MAP2K5: variants seen among roughly 807,000 people sequenced by gnomAD.
MAP2K5 encodes the protein mitogen-activated protein kinase kinase 5, also known as dual specificity mitogen-activated protein kinase kinase 5.
A neutral mutation model predicts 83.1 loss-of-function variants in MAP2K5; 49 were observed. The ratio of observed to expected loss-of-function variants is 0.59; its 90% CI spans 0.47 to 0.75. MAP2K5 has a LOEUF of 0.75. Among genes scored for constraint, MAP2K5 ranks in the 30% least tolerant of loss-of-function variants. The probability of loss-of-function intolerance (pLI) is 0.00; values close to 1 mark genes in which losing one functional copy is unlikely to be tolerated. For missense variants in MAP2K5, 457 were observed against 557.5 expected, an observed-to-expected ratio of 0.82 and a Z score of 1.82; for synonymous variants, 202 against 191.8, an observed-to-expected ratio of 1.05 and a Z score of -0.44.
chr15:67,728,402 A>T (rs893060060), intron 17 of MAP2K5, among the ~76,000 whole-genome samples: 1 of 152,208 alleles, frequency 6.6e-6, no homozygotes, highest in Non-Finnish European at 1.5e-5. Flanking sequence ...TTTTGAACAT[A>T]TTATTTAAAA....
chr15:67,799,613 G>A (rs2141344257), intron 21 of MAP2K5, among the ~76,000 whole-genome samples: 1 of 152,382 alleles, frequency 6.6e-6, no homozygotes. Flanking sequence ...ATTTACAAGT[G>A]TGGCCCCAGT....
intron 3 of MAP2K5, among the ~76,000 whole-genome samples, chr15:67,578,439 T>C (rs1468075890): frequency 6.6e-6 from 1 of 152,206 alleles, no homozygotes; most frequent in Non-Finnish European, 1.5e-5. Context: ...CTTTACAGCA[T>C]GTCCTTGATG....
At position 67,640,556 on chromosome 15, in the gene MAP2K5, C is replaced by T. The variant is rs1697775118; in HGVS notation, c.586-5675C>T. 1.0e-6 allele frequency: 1 copy of T among 984,872 alleles called. No individual in the cohort carries two copies. The highest frequency in any genetic ancestry group is 1.2e-6 in the Non-Finnish European group (1 of 829,454). 61.0% of individuals were successfully genotyped at this position (984,872 alleles called of 1,614,324 possible). On this transcript the variant is annotated intron_variant, in intron 9 of 21. Transcript: ENST00000178640. The surrounding 1 kb of genome is among the most constrained non-coding windows in gnomAD (Gnocchi z 4.6). ...CAGCAAATCACAGTCCTTGTCCAAA[C>T]TGAATCACCTGCAGGGTCTGACGCC...
In MAP2K5 at chr15:67,755,963, C is replaced by T. The variant is rs1022211990; in HGVS notation, c.1134+7362C>T. Among the ~76,000 whole-genome samples the T allele has an allele frequency of 1.3e-5, 2 of 152,170 alleles. No individual in the cohort carries two copies. Among genetic ancestry groups the T allele is most frequent in the African/African-American group, 4.8e-5 (2 of 41,426 alleles). Reference sequence around the variant, plus strand: ...ATGACTCAATTGTCCACCCTCTTTCCATTGTCCTCCCCACATCCTCACTGT... The same window carrying T: ...ATGACTCAATTGTCCACCCTCTTTCTATTGTCCTCCCCACATCCTCACTGT... On this transcript the variant is annotated intron_variant, in intron 19 of 21. Transcript: ENST00000178640. The surrounding 1 kb of genome is among the most constrained non-coding windows in gnomAD (Gnocchi z 4.7).
chr15:67,685,423 A>G (rs1226483297), intron 13 of MAP2K5, among the ~76,000 whole-genome samples: 1 of 152,202 alleles, frequency 6.6e-6, no homozygotes, highest in Non-Finnish European at 1.5e-5. Context: ...TTGCCAGTAG[A>G]CCAGCATTAC....
Position 67,736,103 on chromosome 15 carries a change from G to T in MAP2K5, c.1074+8158G>T, listed in dbSNP as rs188526156. On this transcript the variant is annotated intron_variant, in intron 17 of 21. Transcript: ENST00000178640. This position sits in a 1 kb window ranked among gnomAD's most constrained non-coding sequence, Gnocchi z 4.3. ...CTCCTAGGTAACTTTTAAAGTCACC[G>T]TGGGAAGGAAGTAAGAAAAGGGAGG... 1.7e-4 allele frequency among the ~76,000 whole-genome samples: 26 copies of T among 152,328 alleles called. No homozygotes were observed. Among genetic ancestry groups the T allele is most frequent in the African/African-American group, 6.3e-4 (26 of 41,580 alleles).
rs573430417 is a variant in MAP2K5 at position 67,705,350 on chromosome 15, C to T, written c.1044+1942C>T. Among the ~76,000 whole-genome samples the T allele has an allele frequency of 3.9e-5, 6 of 152,108 alleles. No individual in the cohort carries two copies. The South Asian group carries it at 1.0e-3, about 26-fold the overall frequency. On this transcript the variant is annotated intron_variant, in intron 16 of 21. Transcript: ENST00000178640. Reference sequence around the variant, plus strand: ...TTGGCTGTCATGGAGTTCCATTTGGCAAGGGCTGGGGCATGAGGGGAAGGA... The same window carrying T: ...TTGGCTGTCATGGAGTTCCATTTGGTAAGGGCTGGGGCATGAGGGGAAGGA...
In MAP2K5 at chr15:67,668,575, G is replaced by A. The variant is rs1209737905; in HGVS notation, c.847+3930G>A. On this transcript the variant is annotated intron_variant, in intron 13 of 21. Coordinates refer to ENST00000178640, the MANE Select transcript of MAP2K5 (RefSeq NM_145160.3). This position sits in a 1 kb window ranked among gnomAD's most constrained non-coding sequence, Gnocchi z 4.0. Reference sequence around the variant, plus strand: ...ATACATCGCCACTAATGAGGTGAGAGCCCTGCATATTAATAAACCTACAGC... The same window carrying A: ...ATACATCGCCACTAATGAGGTGAGAACCCTGCATATTAATAAACCTACAGC... Among the ~76,000 whole-genome samples, 1 of 152,124 alleles carries A rather than the reference G, an allele frequency of 6.6e-6. No homozygotes were observed. Among genetic ancestry groups the A allele is most frequent in the Admixed American group, 6.6e-5 (1 of 15,262 alleles).
intron 8 of MAP2K5, among the ~76,000 whole-genome samples, chr15:67,621,870 G>T (rs2141067761): frequency 6.6e-6 from 1 of 152,234 alleles, no homozygotes; most frequent in Non-Finnish European, 1.5e-5. Flanking sequence ...ATTTTATCAG[G>T]TGTTGCTAAC....
intron 9 of MAP2K5, among the ~76,000 whole-genome samples, chr15:67,641,931 C>T (rs954169843): frequency 6.6e-6 from 1 of 152,164 alleles, no homozygotes; most frequent in African/African-American, 2.4e-5. Flanking sequence ...ACCCAGAGTG[C>T]CAAGTCTCCC....
rs918520491 is a variant in MAP2K5 at position 67,563,587 on chromosome 15, G to A, written c.252+237G>A. ...TGCATCTTAATGACTTTTGCATTAG[G>A]TATGATGCAGACTAAATGGACTATC... On this transcript the variant is annotated intron_variant, in intron 3 of 21. Transcript: ENST00000178640. This position sits in a 1 kb window ranked among gnomAD's most constrained non-coding sequence, Gnocchi z 4.5. Among the ~76,000 whole-genome samples the A allele has an allele frequency of 9.2e-5, 14 of 152,014 alleles. No individual in the cohort carries two copies. Among genetic ancestry groups the A allele is most frequent in the African/African-American group, 3.4e-4 (14 of 41,392 alleles).
chr15:67,801,969 G>A lies in MAP2K5; in HGVS notation c.1243-4677G>A, dbSNP rs536545951. ...AGCCCAACTAAGGGCAGACAGCGAG[G>A]TGTCATTAAATGAGCACTGGACTGG... On this transcript the variant is annotated intron_variant, in intron 21 of 21. Transcript: ENST00000178640. This position sits in a 1 kb window ranked among gnomAD's most constrained non-coding sequence, Gnocchi z 4.8. Among the ~76,000 whole-genome samples the A allele has an allele frequency of 6.6e-6, 1 of 152,186 alleles. No individual in the cohort carries two copies. The highest frequency in any genetic ancestry group is 1.5e-5 in the Non-Finnish European group (1 of 68,034).
chr15:67,545,784 C>T (rs527373461), intron 1 of MAP2K5, among the ~76,000 whole-genome samples: 4 of 152,248 alleles, frequency 2.6e-5, no homozygotes, highest in African/African-American at 9.6e-5. Flanking sequence ...AAAGTAATGC[C>T]TACCTCCTAG....
intron 12 of MAP2K5, among the ~76,000 whole-genome samples, chr15:67,659,988 A>C (rs2087196572): frequency 6.6e-6 from 1 of 152,176 alleles, no homozygotes; most frequent in Non-Finnish European, 1.5e-5. Flanking sequence ...TTGCCTATTA[A>C]GTGAATGAAA....
rs1205892181 is a variant in MAP2K5, at chr15:67,717,485, CAT to C, written c.1045-10430_1045-10429del. On this transcript the variant is annotated intron_variant, in intron 16 of 21. Coordinates refer to ENST00000178640, the MANE Select transcript of MAP2K5 (RefSeq NM_145160.3). The surrounding 1 kb of genome is among the most constrained non-coding windows in gnomAD (Gnocchi z 4.1). Reference sequence around the variant, plus strand: ...AAGAAAAGTAAAAGTGCAATGGAAACATGTAGAACTGGGCACATGAGAGTGTG... The same window carrying C: ...AAGAAAAGTAAAAGTGCAATGGAAACGTAGAACTGGGCACATGAGAGTGTG... Among the ~76,000 whole-genome samples the C allele has an allele frequency of 3.3e-5, 5 of 152,204 alleles. No homozygotes were observed. The highest frequency in any genetic ancestry group is 1.2e-4 in the African/African-American group (5 of 41,452).
Position 67,567,388 on chromosome 15 carries a change from C to T in MAP2K5, c.252+4038C>T, listed in dbSNP as rs553228916. On this transcript the variant is annotated intron_variant, in intron 3 of 21. Coordinates refer to ENST00000178640, the MANE Select transcript of MAP2K5 (RefSeq NM_145160.3). ...TTTTTTTTTTTTTGAGACAGAGTCTCGCTCTGTCGCCCAGGCCGGACTGCG... is the reference window on the plus strand; with the variant it reads ...TTTTTTTTTTTTTGAGACAGAGTCTTGCTCTGTCGCCCAGGCCGGACTGCG... Among the ~76,000 whole-genome samples, 211 of 142,938 alleles carry T rather than the reference C, an allele frequency of 1.5e-3. 1 individual carries two copies. Among genetic ancestry groups the T allele is most frequent in the East Asian group, 8.4e-3 (41 of 4,870 alleles). The allele number at this position is 142,938 out of a possible 152,430, so 93.8% of individuals were successfully genotyped here. A position where few individuals can be genotyped will look rare whatever the true frequency, so the allele number is the denominator to read the frequency against.
At chr15:67,687,254 G>A (rs908641134) in intron 13 of MAP2K5, among the ~76,000 whole-genome samples, 2 of 152,194 alleles carry the variant, frequency 1.3e-5, no homozygotes, top group Non-Finnish European at 2.9e-5. Flanking sequence ...AAACCAGGCT[G>A]TATTGGATTG....
rs573153503 is a variant in MAP2K5 at position 67,720,227 on chromosome 15, TA to T, written c.1045-7688del. On this transcript the variant is annotated intron_variant, in intron 16 of 21. Transcript: ENST00000178640. This position sits in a 1 kb window ranked among gnomAD's most constrained non-coding sequence, Gnocchi z 5.7. The stretch of plus-strand genomic sequence containing the variant: ...TTAATGTAGTATAGACAGATTAATA[TA>T]CACATACACAAACATAAACACACGC... 6.6e-6 allele frequency among the ~76,000 whole-genome samples: 1 copy of T among 152,176 alleles called. No individual in the cohort carries two copies. The highest frequency in any genetic ancestry group is 2.1e-4 in the South Asian group (1 of 4,836).
rs1043717153 is a variant in MAP2K5 at position 67,543,005 on chromosome 15, C to T, written c.-331C>T. ...AAACCGAGTCCTTGCCCTGCTGCCT[C>T]CTCATACCCACACGGCGGCAGAGAC... is the stretch of plus-strand genomic sequence containing the variant. On this transcript the variant is annotated 5_prime_UTR_variant, in exon 1 of 22. Coordinates refer to ENST00000178640, the MANE Select transcript of MAP2K5 (RefSeq NM_145160.3). This position sits in a 1 kb window ranked among gnomAD's most constrained non-coding sequence, Gnocchi z 4.3. The T allele has an allele frequency of 3.1e-5, 11 of 352,906 alleles. No individual in the cohort carries two copies. The highest frequency in any genetic ancestry group is 6.0e-5 in the East Asian group (1 of 16,696). The allele number at this position is 352,906 out of a possible 1,614,324, so 21.9% of individuals were successfully genotyped here.
Sources: gnomAD v4.1 joint callset for allele counts (sites outside exome capture counted in the v4.1 genomes callset) on GRCh38, gnomAD v4.1.1 for gene constraint, Gnocchi (gnomAD v3.1) non-coding constraint, MANE v1.5 for transcripts, NCBI Gene and HGNC (gene_info 2026-07-23, HGNC 2026-07-21) for gene names.